LRRC38: variants seen among roughly 807,000 people sequenced by gnomAD.
LRRC38 encodes leucine-rich repeat-containing protein 38.
Under a neutral mutation model 16.4 loss-of-function variants are expected in LRRC38, and 5 were observed. The ratio of observed to expected loss-of-function variants is 0.31; its 90% CI spans 0.16 to 0.64. The LOEUF (loss-of-function observed/expected upper bound fraction) is 0.64. Among genes scored for constraint, LRRC38 ranks in the 30% least tolerant of loss-of-function variants. The pLI is 0.80. For synonymous variants in LRRC38, 191 were observed against 190.2 expected (o/e 1.00, Z -0.04); for missense variants, 341 against 401.8 (o/e 0.85, Z 1.29).
At chr1:13,510,381 C>T (rs1197465454) in intron 1 of LRRC38, among the ~76,000 whole-genome samples, 1 of 152,212 alleles carries the variant, frequency 6.6e-6, no homozygotes, top group Non-Finnish European at 1.5e-5. Context: ...CTAGTCAAAA[C>T]AGGATAATAA....
At chr1:13,496,223 G>A (rs1639078170) in intron 1 of LRRC38, among the ~76,000 whole-genome samples, 1 of 151,878 alleles carries the variant, frequency 6.6e-6, no homozygotes, top group East Asian at 1.9e-4. Context: ...CTGGGGTGCA[G>A]CAGCAAGATC....
intron 1 of LRRC38, among the ~76,000 whole-genome samples, chr1:13,509,224 C>T (rs902931357): frequency 2.0e-5 from 3 of 152,110 alleles, no homozygotes; most frequent in Admixed American, 6.5e-5. Context: ...AGAGAATCAG[C>T]TCGAATCTCT....
chr1:13,493,455 G>A (rs1158794803), intron 1 of LRRC38, among the ~76,000 whole-genome samples: 1 of 152,188 alleles, frequency 6.6e-6, no homozygotes, highest in East Asian at 1.9e-4. Context: ...CTTCCCTGGA[G>A]GAGATCCAGG....
intron 1 of LRRC38, among the ~76,000 whole-genome samples, chr1:13,506,455 ATTTTCTT>A (rs920412907): frequency 2.6e-5 from 4 of 151,458 alleles, no homozygotes; most frequent in Non-Finnish European, 4.4e-5. Flanking sequence ...TTCTTTTTCT[ATTTTCTT>A]TTTTCTTTTT....
At chr1:13,483,545 G>T (rs1638894062) in intron 1 of LRRC38, among the ~76,000 whole-genome samples, 1 of 152,122 alleles carries the variant, frequency 6.6e-6, no homozygotes, top group African/African-American at 2.4e-5. Context: ...AAGCCACTGG[G>T]CATCCAGGGA....
chr1:13,489,679 G>A (rs2924850), intron 1 of LRRC38, among the ~76,000 whole-genome samples: 48,886 of 151,864 alleles, frequency 0.32, 9,346 homozygotes, highest in African/African-American at 0.54. Context: ...AGGGACTGCA[G>A]GGCTTGCTTC....
chr1:13,508,327 A>T (rs1472769697), intron 1 of LRRC38, among the ~76,000 whole-genome samples: 1 of 152,222 alleles, frequency 6.6e-6, no homozygotes, highest in Non-Finnish European at 1.5e-5. Flanking sequence ...ATGTGTAAGG[A>T]TATTCGGCTC....
intron 1 of LRRC38, among the ~76,000 whole-genome samples, chr1:13,508,516 G>A (rs354586): frequency 0.019 from 2,945 of 152,274 alleles, 127 homozygotes; most frequent in East Asian, 0.11. Context: ...ATCATTTTGC[G>A]AATGTACAGT....
chr1:13,477,649 G>A (rs1480058443), intron 1 of LRRC38, among the ~76,000 whole-genome samples: 1 of 152,056 alleles, frequency 6.6e-6, no homozygotes, highest in African/African-American at 2.4e-5. Flanking sequence ...ACCAGCCTGG[G>A]CAACATAGCA....
At chr1:13,488,867 G>A (rs183801022) in intron 1 of LRRC38, among the ~76,000 whole-genome samples, 26 of 152,224 alleles carry the variant, frequency 1.7e-4, no homozygotes, top group Admixed American at 1.5e-3. Flanking sequence ...GCGAAGGGGG[G>A]ATTGGAGAGA....
rs1011200032 is a variant in LRRC38, at chr1:13,476,036, G to A, written c.695C>T (p.Ser232Leu). 6 of 1,550,354 alleles carry A rather than the reference G, an allele frequency of 3.9e-6. No individual in the cohort carries two copies. The highest frequency in any genetic ancestry group is 2.7e-5 in the African/African-American group (2 of 72,994). Residue 232 changes from serine to leucine, a missense_variant, in exon 2 of 2, where the codon TCG becomes TTG. Coordinates refer to ENST00000376085, the MANE Select transcript of LRRC38 (RefSeq NM_001010847.2). Reference protein sequence around the residue: ...ESRRISLRELSEASFSECRFS... With the variant: ...ESRRISLRELLEASFSECRFS... The stretch of plus-strand genomic sequence containing the variant: ...CCTACACTCGCTGAAGCTGGCCTCC[G>A]ACAGCTCACGCAGGGATATCCTCCT...
chr1:13,509,955 A>T (rs989773849), intron 1 of LRRC38, among the ~76,000 whole-genome samples: 8 of 152,152 alleles, frequency 5.3e-5, no homozygotes, highest in Non-Finnish European at 1.0e-4. Flanking sequence ...GCCCTCATTC[A>T]GTCGTAGATC....
intron 1 of LRRC38, among the ~76,000 whole-genome samples, chr1:13,481,744 T>A (rs1638862239): frequency 6.8e-6 from 1 of 147,718 alleles, no homozygotes; most frequent in Admixed American, 6.8e-5. Context: ...AATCTGTCTC[T>A]GCCTCTCACT....
chr1:13,489,539 G>C (rs912793000), intron 1 of LRRC38, among the ~76,000 whole-genome samples: 9 of 151,764 alleles, frequency 5.9e-5, no homozygotes, highest in African/African-American at 7.3e-5. Context: ...CTGACTCCCT[G>C]TGTAGTGCTC....
In LRRC38 at chr1:13,482,186, G is replaced by C. The variant is rs944481473; in HGVS notation, c.632-6087C>G. Among the ~76,000 whole-genome samples the C allele has an allele frequency of 2.3e-4, 35 of 152,154 alleles. 1 individual carries two copies. Among genetic ancestry groups the C allele is most frequent in the Admixed American group, 2.2e-3 (34 of 15,274 alleles). On this transcript the variant is annotated intron_variant, in intron 1 of 1. Coordinates refer to ENST00000376085, the MANE Select transcript of LRRC38 (RefSeq NM_001010847.2). ...GAAGGCAGGGAGAGTGGGAGGAAGAGAGAGAGACAGAGAGAGGTGGCCCTG... is the reference window on the plus strand; with the variant it reads ...GAAGGCAGGGAGAGTGGGAGGAAGACAGAGAGACAGAGAGAGGTGGCCCTG...
intron 1 of LRRC38, among the ~76,000 whole-genome samples, chr1:13,488,161 G>A (rs1374070215): frequency 1.3e-5 from 2 of 151,816 alleles, no homozygotes; most frequent in African/African-American, 4.8e-5. Context: ...TTCAATGGCT[G>A]CAAGGCATTT....
At chr1:13,506,612 C>T (rs550349318) in intron 1 of LRRC38, among the ~76,000 whole-genome samples, 8 of 152,308 alleles carry the variant, frequency 5.3e-5, no homozygotes, top group African/African-American at 1.7e-4. Flanking sequence ...TGCACGCCAC[C>T]GTGCCCAGCT....
In LRRC38 at chr1:13,513,918, C is replaced by T. The variant is rs2100533343; in HGVS notation, c.-325G>A. The T allele has an allele frequency of 6.6e-6, 1 of 152,434 alleles. No individual in the cohort carries two copies. Among genetic ancestry groups the T allele is most frequent in the African/African-American group, 2.4e-5 (1 of 41,554 alleles). 9.4% of individuals were successfully genotyped at this position (152,434 alleles called of 1,614,324 possible). On this transcript the variant is annotated 5_prime_UTR_variant, in exon 1 of 2. Transcript: ENST00000376085. Reference sequence around the variant, plus strand: ...GGCAGGGGTGGCCGAGTGGCCGTCGCCAAAACGCGGCCCCACCCTGGCAGC... The same window carrying T: ...GGCAGGGGTGGCCGAGTGGCCGTCGTCAAAACGCGGCCCCACCCTGGCAGC...
chr1:13,501,793 T>C (rs953884260), intron 1 of LRRC38, among the ~76,000 whole-genome samples: 5 of 151,956 alleles, frequency 3.3e-5, no homozygotes, highest in Non-Finnish European at 7.4e-5. Flanking sequence ...TGTTTGTTTT[T>C]TGAGATAGAG....
Sources: gnomAD v4.1 joint callset for allele counts (sites outside exome capture counted in the v4.1 genomes callset) on GRCh38, gnomAD v4.1.1 for gene constraint, MANE v1.5 for transcripts, NCBI Gene and HGNC (gene_info 2026-07-23, HGNC 2026-07-21) for gene names.